TBCK: variants seen among roughly 807,000 people sequenced by gnomAD.
The protein encoded by TBCK is TBC domain-containing protein kinase-like protein.
In TBCK, 99 loss-of-function variants were observed where a neutral mutation model predicts 113.4. That is an observed-to-expected ratio of 0.87 (90% CI 0.74 to 1.03). TBCK has a LOEUF of 1.03. Ranked by LOEUF, TBCK falls within the 50% of genes least tolerant of loss-of-function variation. The probability of loss-of-function intolerance (pLI) is 0.00; values close to 1 mark genes in which losing one functional copy is unlikely to be tolerated. For synonymous variants in TBCK, 369 were observed against 370.8 expected, an observed-to-expected ratio of 1.00 and a Z score of 0.05; for missense variants, 1,045 against 1,061.3, an observed-to-expected ratio of 0.98 and a Z score of 0.21.
At chr4:106,134,852 C>A (rs1473667199) in intron 23 of TBCK, among the ~76,000 whole-genome samples, 3 of 152,114 alleles carry the variant, frequency 2.0e-5, no homozygotes, top group African/African-American at 7.2e-5. Context: ...GTGGTAGGCA[C>A]CTACCTTCTT....
At chr4:106,093,097 A>C (rs1740497781) in intron 25 of TBCK, among the ~76,000 whole-genome samples, 1 of 152,240 alleles carries the variant, frequency 6.6e-6, no homozygotes, top group African/African-American at 2.4e-5. Flanking sequence ...GATGGTAGAT[A>C]CAGTTATATA....
At chr4:106,092,780 A>G (rs1269463979) in intron 25 of TBCK, among the ~76,000 whole-genome samples, 1 of 151,724 alleles carries the variant, frequency 6.6e-6, no homozygotes, top group Admixed American at 6.6e-5. Flanking sequence ...CTTCCTCCAC[A>G]CCTCCCCGCA....
intron 25 of TBCK, among the ~76,000 whole-genome samples, chr4:106,047,135 A>C (rs1449192668): frequency 1.3e-5 from 2 of 152,280 alleles, no homozygotes; most frequent in Non-Finnish European, 2.9e-5. Flanking sequence ...TCCCACAGAG[A>C]GCCCATAAAC....
chr4:106,225,241 T>C (rs1392586137), intron 19 of TBCK, among the ~76,000 whole-genome samples: 1 of 152,158 alleles, frequency 6.6e-6, no homozygotes, highest in Admixed American at 6.5e-5. Context: ...TTTTTTAGCA[T>C]AATATTAAAG....
chr4:106,173,745 C>A (rs1158990030), intron 22 of TBCK, among the ~76,000 whole-genome samples: 1 of 152,092 alleles, frequency 6.6e-6, no homozygotes, highest in Non-Finnish European at 1.5e-5. Context: ...TCTCAAAACC[C>A]TTCCAAAGCA....
chr4:106,240,000 A>G (rs1388352323), intron 12 of TBCK, among the ~76,000 whole-genome samples: 1 of 152,046 alleles, frequency 6.6e-6, no homozygotes, highest in African/African-American at 2.4e-5. Flanking sequence ...TAGAAAATCA[A>G]AACACAAATG....
intron 3 of TBCK, among the ~76,000 whole-genome samples, chr4:106,271,657 C>A (rs919931135): frequency 2.0e-5 from 3 of 150,640 alleles, no homozygotes; most frequent in Non-Finnish European, 4.4e-5. Context: ...GAGGCTGAGG[C>A]AGGAGAATTG....
intron 3 of TBCK, among the ~76,000 whole-genome samples, chr4:106,290,281 C>CAA (rs1299103872): frequency 6.6e-6 from 1 of 152,042 alleles, no homozygotes; most frequent in Non-Finnish European, 1.5e-5. Flanking sequence ...GGGTTCACGC[C>CAA]ATTCTCCTGC....
rs80154019 is a variant in TBCK at position 106,066,694 on chromosome 4, C to T, written c.2572-20014G>A. ...GCATTAATTTCCATTCCTCCCTCCC[C>T]CAGCCCGTGGTACCACTAATCTACT... On this transcript the variant is annotated intron_variant, in intron 25 of 25. Coordinates refer to ENST00000394708, the MANE Select transcript of TBCK (RefSeq NM_001163435.3). Among the ~76,000 whole-genome samples the T allele has an allele frequency of 1.8e-4, 28 of 152,088 alleles. 1 individual carries two copies. In the East Asian group the frequency reaches 5.4e-3, roughly 29 times the overall value.
intron 25 of TBCK, among the ~76,000 whole-genome samples, chr4:106,077,145 C>T (rs1331481499): frequency 6.6e-6 from 1 of 152,026 alleles, no homozygotes; most frequent in Non-Finnish European, 1.5e-5. Flanking sequence ...AGCAGTAGAC[C>T]TGTTTTACAA....
chr4:106,295,909 C>T (rs1766252012), intron 2 of TBCK, among the ~76,000 whole-genome samples: 1 of 151,534 alleles, frequency 6.6e-6, no homozygotes, highest in South Asian at 2.1e-4. Context: ...TTCAAATTGT[C>T]AAAAATCTCC....
rs183144803 is a variant in TBCK, at chr4:106,170,617, G to A, written c.2235+478C>T. On this transcript the variant is annotated intron_variant, in intron 23 of 25. Transcript: ENST00000394708. ...ATACTATGATAATATTAGAATATTC[G>A]AAATGTATGAATTATTATAACTGAA... 4.1e-3 allele frequency among the ~76,000 whole-genome samples: 618 copies of A among 152,074 alleles called. 4 individuals are homozygous for A. Among genetic ancestry groups the A allele is most frequent in the Non-Finnish European group, 6.1e-3 (416 of 67,940 alleles).
intron 23 of TBCK, among the ~76,000 whole-genome samples, chr4:106,147,901 G>A (rs1174659454): frequency 6.6e-6 from 1 of 152,174 alleles, no homozygotes; most frequent in East Asian, 1.9e-4. Flanking sequence ...GAGAAATATT[G>A]CTGAATTCTT....
chr4:106,200,553 G>C (rs1477320501), intron 20 of TBCK, among the ~76,000 whole-genome samples: 5 of 151,888 alleles, frequency 3.3e-5, no homozygotes, highest in African/African-American at 1.2e-4. Context: ...AATAAATAAT[G>C]AAAATTCAAT....
At chr4:106,296,234 G>C (rs1766288445) in intron 2 of TBCK, among the ~76,000 whole-genome samples, 1 of 152,088 alleles carries the variant, frequency 6.6e-6, no homozygotes, top group Admixed American at 6.5e-5. Context: ...AAGCTTTTGG[G>C]GATTTGACAA....
intron 25 of TBCK, among the ~76,000 whole-genome samples, chr4:106,061,717 T>G (rs369531479): frequency 5.3e-5 from 8 of 151,476 alleles, no homozygotes; most frequent in African/African-American, 1.9e-4. Context: ...AGATCCTTAT[T>G]ACAAGATGGT....
intron 25 of TBCK, among the ~76,000 whole-genome samples, chr4:106,083,796 A>G (rs1739188522): frequency 6.6e-6 from 1 of 152,196 alleles, no homozygotes; most frequent in Admixed American, 6.5e-5. Context: ...GGAGCAAATA[A>G]GATGAATAGG....
intron 24 of TBCK, among the ~76,000 whole-genome samples, chr4:106,098,972 G>A (rs939412992): frequency 6.6e-6 from 1 of 152,034 alleles, no homozygotes; most frequent in Admixed American, 6.6e-5. Flanking sequence ...GTAAACTTCT[G>A]ATAAATAAGT....
In TBCK at chr4:106,045,120, C is replaced by T. The variant is rs1233956197; in HGVS notation, c.*1450G>A. 1 of 150,082 alleles carries T rather than the reference C, an allele frequency of 6.7e-6. No homozygotes were observed. The highest frequency in any genetic ancestry group is 1.5e-5 in the Non-Finnish European group (1 of 67,692). The allele number at this position is 150,082 out of a possible 1,614,324, so 9.3% of individuals were successfully genotyped here. On this transcript the variant is annotated 3_prime_UTR_variant, in exon 26 of 26. Transcript: ENST00000394708. The stretch of plus-strand genomic sequence containing the variant: ...GTTGCCCAGGCTGGGGTACAGTGGC[C>T]CTATCATGGCTCATTGCAACCTCTG...
Sources: allele counts gnomAD v4.1 joint callset (sites outside exome capture counted in the v4.1 genomes callset), GRCh38; gene constraint gnomAD v4.1.1; transcripts MANE v1.5; gene names NCBI Gene and HGNC (gene_info 2026-07-23, HGNC 2026-07-21).